The following GSG1L variants were observed in gnomAD, a reference collection of about 807,000 sequenced individuals.
GSG1L encodes the protein germ cell-specific gene 1-like protein.
Under a neutral mutation model 42.1 loss-of-function variants are expected in GSG1L, and 24 were observed. The observed-to-expected ratio is 0.57, with a 90% CI of 0.41 to 0.80. The LOEUF (loss-of-function observed/expected upper bound fraction) is 0.80, where lower values mean the gene tolerates loss of function less well. GSG1L is among the 30% of genes least tolerant of loss of function. GSG1L has a pLI of 0.00. For synonymous variants in GSG1L, 215 were observed against 203.5 expected (o/e 1.06, Z -0.48); for missense variants, 445 against 472.2 (o/e 0.94, Z 0.53).
chr16:27,857,196 G>A (rs560896930), intron 3 of GSG1L, among the ~76,000 whole-genome samples: 1 of 152,314 alleles, frequency 6.6e-6, no homozygotes, highest in South Asian at 2.1e-4. Flanking sequence ...GGAAGCCAAG[G>A]TGGGCAGATT....
At chr16:27,987,216 CAAAA>C (rs36025627) in intron 1 of GSG1L, among the ~76,000 whole-genome samples, 11 of 132,210 alleles carry the variant, frequency 8.3e-5, no homozygotes, top group Non-Finnish European at 1.2e-4. Context: ...AACTCCGTCT[CAAAA>C]AAAAAAAAAA....
At chr16:28,042,293 G>A (rs205392) in intron 1 of GSG1L, among the ~76,000 whole-genome samples, 38,654 of 151,904 alleles carry the variant, frequency 0.25, 5,441 homozygotes, top group South Asian at 0.48. Context: ...AAAATTAGTC[G>A]GGCGTGGTGG....
intron 1 of GSG1L, among the ~76,000 whole-genome samples, chr16:27,974,608 G>A (rs2085230883): frequency 6.6e-6 from 1 of 152,208 alleles, no homozygotes; most frequent in South Asian, 2.1e-4. Context: ...TAGCCTTAAA[G>A]AGAAATGCCA....
Position 27,790,456 on chromosome 16 carries a change from C to T in GSG1L, c.*914G>A, listed in dbSNP as rs187893187. 1 of 152,104 alleles carries T rather than the reference C, an allele frequency of 6.6e-6. No homozygotes were observed. The highest frequency in any genetic ancestry group is 1.9e-4 in the East Asian group (1 of 5,186). 9.4% of individuals were successfully genotyped at this position (152,104 alleles called of 1,614,324 possible). On this transcript the variant is annotated 3_prime_UTR_variant, in exon 7 of 7. Transcript: ENST00000447459. ...AAGTTACTTCATTCATCTCTGTGAC[C>T]CTAATTTTCCTCCTCTTTATAATAA...
chr16:27,942,449 C>G lies in GSG1L; in HGVS notation c.397+20707G>C, dbSNP rs188660141. Among the ~76,000 whole-genome samples, 28 of 152,070 alleles carry G rather than the reference C, an allele frequency of 1.8e-4. No individual in the cohort carries two copies. In the East Asian group the frequency reaches 4.8e-3, roughly 26 times the overall value. ...ATAGACGTGAGCCACCGCACCTGGC[C>G]AAAAATGAGAACTTCTTAAAAGACA... On this transcript the variant is annotated intron_variant, in intron 2 of 6. Coordinates refer to ENST00000447459, the MANE Select transcript of GSG1L (RefSeq NM_001109763.2).
chr16:28,008,345 G>A (rs1041211077), intron 1 of GSG1L, among the ~76,000 whole-genome samples: 1 of 152,220 alleles, frequency 6.6e-6, no homozygotes, highest in Non-Finnish European at 1.5e-5. Context: ...CTCCCAAAGT[G>A]TTGGGATTAC....
At chr16:27,809,735 A>T (rs1165998151) in intron 5 of GSG1L, among the ~76,000 whole-genome samples, 1 of 151,944 alleles carries the variant, frequency 6.6e-6, no homozygotes, top group East Asian at 1.9e-4. Context: ...CTCATTTTCA[A>T]CACTTCCCCT....
At chr16:27,955,925 G>GAAGGAAGT in intron 2 of GSG1L, among the ~76,000 whole-genome samples, 1 of 138,208 alleles carries the variant, frequency 7.2e-6, no homozygotes, top group Non-Finnish European at 1.5e-5. Flanking sequence ...AGGAAGGAAG[G>GAAGGAAGT]AAAGAAGGAA....
intron 1 of GSG1L, among the ~76,000 whole-genome samples, chr16:27,976,226 G>A (rs2085249103): frequency 6.6e-6 from 1 of 152,192 alleles, no homozygotes. Context: ...AGTGAGCCAA[G>A]ATTGAGCCAT....
At chr16:27,882,644 T>C (rs979782827) in intron 3 of GSG1L, among the ~76,000 whole-genome samples, 2 of 152,134 alleles carry the variant, frequency 1.3e-5, no homozygotes, top group African/African-American at 4.8e-5. Flanking sequence ...AGCAGACTCT[T>C]ACTTATTTTC....
intron 2 of GSG1L, among the ~76,000 whole-genome samples, chr16:27,890,767 G>C (rs1161659036): frequency 6.6e-6 from 1 of 152,258 alleles, no homozygotes; most frequent in African/African-American, 2.4e-5. Flanking sequence ...GCTCAGACAG[G>C]TGGGGGGCAC....
chr16:27,848,715 G>C (rs900216468), intron 3 of GSG1L, among the ~76,000 whole-genome samples: 4 of 152,042 alleles, frequency 2.6e-5, no homozygotes, highest in Non-Finnish European at 5.9e-5. Flanking sequence ...CCTTGGAGGT[G>C]GGGGGCACTT....
intron 2 of GSG1L, among the ~76,000 whole-genome samples, chr16:27,947,593 GAAAGAAAA>G (rs1263245383): frequency 7.4e-4 from 84 of 113,856 alleles, no homozygotes; most frequent in African/African-American, 2.6e-3. Context: ...AAGAAAGAAA[GAAAGAAAA>G]AGAAAGAAAG....
chr16:28,000,387 G>A (rs191671673), intron 1 of GSG1L, among the ~76,000 whole-genome samples: 10 of 152,310 alleles, frequency 6.6e-5, no homozygotes, highest in African/African-American at 1.7e-4. Context: ...GCTGCATGGC[G>A]AGAAGGACTC....
rs113361055 is a variant in GSG1L at position 28,040,134 on chromosome 16, C to T, written c.349+22942G>A. Among the ~76,000 whole-genome samples, 2 of 152,170 alleles carry T rather than the reference C, an allele frequency of 1.3e-5. No individual in the cohort carries two copies. The highest frequency in any genetic ancestry group is 4.8e-5 in the African/African-American group (2 of 41,430). On this transcript the variant is annotated intron_variant, in intron 1 of 6. Coordinates refer to ENST00000447459, the MANE Select transcript of GSG1L (RefSeq NM_001109763.2). The surrounding 1 kb of genome is among the most constrained non-coding windows in gnomAD (Gnocchi z 4.1). ...CCCTTCTCCACACCCATCACCATGGCCCTAGCTGCCATCGTCTCCTTCATG... is the reference window on the plus strand; with the variant it reads ...CCCTTCTCCACACCCATCACCATGGTCCTAGCTGCCATCGTCTCCTTCATG...
chr16:28,029,718 G>T (rs1028669927), intron 1 of GSG1L, among the ~76,000 whole-genome samples: 1 of 152,106 alleles, frequency 6.6e-6, no homozygotes, highest in Non-Finnish European at 1.5e-5. Flanking sequence ...ATTCATGGGT[G>T]ATGGATGTAT....
intron 2 of GSG1L, among the ~76,000 whole-genome samples, chr16:27,917,672 G>A: frequency 6.6e-6 from 1 of 152,152 alleles, no homozygotes; most frequent in East Asian, 1.9e-4. Context: ...GTTTTAAAGA[G>A]ATGAGAATTA....
Position 27,948,268 on chromosome 16 carries a change from C to T in GSG1L, c.397+14888G>A, listed in dbSNP as rs1310242966. ...CTACCTGGGCCTCAGTTTCCCCATC[C>T]ATAACCTAGTGTAACAGCAGTACAA... is the stretch of plus-strand genomic sequence containing the variant. On this transcript the variant is annotated intron_variant, in intron 2 of 6. Coordinates refer to ENST00000447459, the MANE Select transcript of GSG1L (RefSeq NM_001109763.2). 3.3e-5 allele frequency among the ~76,000 whole-genome samples: 5 copies of T among 152,236 alleles called. No homozygotes were observed. The East Asian group carries it at 9.6e-4, about 29-fold the overall frequency.
At chr16:28,045,536 A>T (rs2086150860) in intron 1 of GSG1L, among the ~76,000 whole-genome samples, 2 of 152,048 alleles carry the variant, frequency 1.3e-5, no homozygotes, top group South Asian at 4.1e-4. Context: ...TTAGCTGGGC[A>T]TGGTGGTGCG....
Sources: gnomAD v4.1 joint callset for allele counts (sites outside exome capture counted in the v4.1 genomes callset) on GRCh38, gnomAD v4.1.1 for gene constraint, Gnocchi (gnomAD v3.1) non-coding constraint, MANE v1.5 for transcripts, NCBI Gene and HGNC (gene_info 2026-07-23, HGNC 2026-07-21) for gene names.